C8orf34: variants seen among roughly 807,000 people sequenced by gnomAD.
C8orf34 encodes uncharacterized protein C8orf34.
In C8orf34, 65 loss-of-function variants were observed where a neutral mutation model predicts 68.3. The observed-to-expected ratio is 0.95, with a 90% CI of 0.78 to 1.17. C8orf34 has a LOEUF of 1.17. Ranked by LOEUF, C8orf34 falls within the 50% of genes most tolerant of loss-of-function variation. The pLI is 0.00. For synonymous variants in C8orf34, 244 were observed against 241.2 expected, an observed-to-expected ratio of 1.01 and a Z score of -0.11; for missense variants, 664 against 655.4, an observed-to-expected ratio of 1.01 and a Z score of -0.14.
intron 7 of C8orf34, among the ~76,000 whole-genome samples, chr8:68,596,100 C>G (rs542926505): frequency 6.6e-6 from 1 of 152,050 alleles, no homozygotes; most frequent in Non-Finnish European, 1.5e-5. Flanking sequence ...GTACTTTTGC[C>G]CCTCGAGTGC....
intron 7 of C8orf34, among the ~76,000 whole-genome samples, chr8:68,620,198 C>G (rs895663310): frequency 2.6e-5 from 4 of 152,104 alleles, no homozygotes; most frequent in African/African-American, 9.7e-5. Flanking sequence ...CAGGGAGGAG[C>G]CCCCAGTTCC....
At chr8:68,695,166 G>A (rs1820792154) in intron 8 of C8orf34, among the ~76,000 whole-genome samples, 1 of 144,846 alleles carries the variant, frequency 6.9e-6, no homozygotes, top group South Asian at 2.2e-4. Context: ...TTTTTTTTGA[G>A]ATGGAGTTTC....
chr8:68,732,928 G>A lies in C8orf34; in HGVS notation c.1404+11491G>A, dbSNP rs565508154. ...AAATACAAAAAATTAGCTGGGCATG[G>A]TGGCAGGCACCTGTAACCCCAGTTA... is the stretch of plus-strand genomic sequence containing the variant. On this transcript the variant is annotated intron_variant, in intron 10 of 13. Coordinates refer to ENST00000518698, the MANE Select transcript of C8orf34 (RefSeq NM_052958.4). Among the ~76,000 whole-genome samples, 66 of 152,272 alleles carry A rather than the reference G, an allele frequency of 4.3e-4. No homozygotes were observed. The South Asian group carries it at 5.8e-3, about 13-fold the overall frequency.
intron 5 of C8orf34, among the ~76,000 whole-genome samples, chr8:68,490,982 T>G (rs985735295): frequency 2.6e-5 from 4 of 152,210 alleles, no homozygotes; most frequent in African/African-American, 9.6e-5. Flanking sequence ...TACCTATGTC[T>G]TTAATGTAAC....
chr8:68,344,112 G>T (rs1304639447), intron 1 of C8orf34, among the ~76,000 whole-genome samples: 1 of 151,972 alleles, frequency 6.6e-6, no homozygotes, highest in African/African-American at 2.4e-5. Context: ...CACAAAAACT[G>T]GTACATTATG....
At chr8:68,400,607 C>A (rs1191909638) in intron 1 of C8orf34, among the ~76,000 whole-genome samples, 2 of 152,076 alleles carry the variant, frequency 1.3e-5, no homozygotes, top group Non-Finnish European at 2.9e-5. Context: ...GTCATCTAGG[C>A]TAGGGTGCAA....
intron 8 of C8orf34, among the ~76,000 whole-genome samples, chr8:68,653,862 T>A (rs1360335067): frequency 6.6e-6 from 1 of 152,134 alleles, no homozygotes; most frequent in Non-Finnish European, 1.5e-5. Context: ...AATTTTCTCT[T>A]GGTGCATATT....
At chr8:68,438,649 C>T (rs1810766111) in intron 1 of C8orf34, 2 of 152,112 alleles carry the variant, frequency 1.3e-5, no homozygotes, top group African/African-American at 2.4e-5. Flanking sequence ...AAATGGTGCA[C>T]ATAAGTTCAC....
chr8:68,545,016 G>T (rs1387840167), intron 7 of C8orf34, among the ~76,000 whole-genome samples: 2 of 152,142 alleles, frequency 1.3e-5, no homozygotes, highest in Admixed American at 6.5e-5. Flanking sequence ...TTACGAGCAT[G>T]AATCCATAAG....
intron 7 of C8orf34, among the ~76,000 whole-genome samples, chr8:68,616,434 T>C (rs538720370): frequency 6.6e-6 from 1 of 152,346 alleles, no homozygotes; most frequent in South Asian, 2.1e-4. Context: ...TTTAGTGCTA[T>C]AAATTTCCCT....
rs1271433413 is a variant in C8orf34 at position 68,689,695 on chromosome 8, A to AAG, written c.1242-19291_1242-19290dup. Among the ~76,000 whole-genome samples, 6 of 152,122 alleles carry AAG rather than the reference A, an allele frequency of 3.9e-5. No homozygotes were observed. In the East Asian group the frequency reaches 1.2e-3, roughly 29 times the overall value. On this transcript the variant is annotated intron_variant, in intron 8 of 13. Coordinates refer to ENST00000518698, the MANE Select transcript of C8orf34 (RefSeq NM_052958.4). ...GAGGCATTTGGCAATAAATATATGA[A>AAG]AGAGAGAGAAAATAAGAACAAAGCT...
chr8:68,709,109 C>A, intron 9 of C8orf34, 30 bp downstream of exon 9: 4 of 1,495,774 alleles, frequency 2.7e-6, no homozygotes, highest in Non-Finnish European at 3.7e-6. Flanking sequence ...ATATTTATTG[C>A]AGTTCTAGTG....
chr8:68,740,722 C>T (rs1822264233), intron 10 of C8orf34, among the ~76,000 whole-genome samples: 1 of 152,174 alleles, frequency 6.6e-6, no homozygotes, highest in Non-Finnish European at 1.5e-5. Context: ...TTTGACCCAG[C>T]AATCCCATTA....
intron 7 of C8orf34, among the ~76,000 whole-genome samples, chr8:68,615,011 T>C (rs1363281300): frequency 2.0e-5 from 3 of 151,782 alleles, no homozygotes; most frequent in Non-Finnish European, 4.4e-5. Context: ...TCACATCCCT[T>C]GAAAGTTGGA....
At chr8:68,552,317 T>G (rs1178150173) in intron 7 of C8orf34, among the ~76,000 whole-genome samples, 1 of 152,206 alleles carries the variant, frequency 6.6e-6, no homozygotes, top group Non-Finnish European at 1.5e-5. Flanking sequence ...TTAACTATTC[T>G]AATTCATTAA....
chr8:68,565,055 A>G (rs1188183022), intron 7 of C8orf34, among the ~76,000 whole-genome samples: 2 of 152,196 alleles, frequency 1.3e-5, no homozygotes, highest in Non-Finnish European at 2.9e-5. Flanking sequence ...GCCCCATAGG[A>G]GCAGGTAGAA....
chr8:68,594,739 T>C (rs10957438), intron 7 of C8orf34, among the ~76,000 whole-genome samples: 93,035 of 151,884 alleles, frequency 0.61, 28,984 homozygotes, highest in African/African-American at 0.72. Flanking sequence ...AAAAATTAAA[T>C]CTGACAGTCT....
At chr8:68,572,051 C>T (rs906306855) in intron 7 of C8orf34, among the ~76,000 whole-genome samples, 3 of 152,028 alleles carry the variant, frequency 2.0e-5, no homozygotes, top group Non-Finnish European at 2.9e-5. Flanking sequence ...TTGCATAGCA[C>T]GTTACCATGC....
intron 10 of C8orf34, among the ~76,000 whole-genome samples, chr8:68,745,763 T>TA (rs1446169225): frequency 1.3e-5 from 2 of 152,102 alleles, no homozygotes; most frequent in Non-Finnish European, 2.9e-5. Context: ...CAAAGAGACT[T>TA]AGACTCCCAC....
Sources: gnomAD v4.1 joint callset for allele counts (sites outside exome capture counted in the v4.1 genomes callset) on GRCh38, gnomAD v4.1.1 for gene constraint, MANE v1.5 for transcripts, NCBI Gene and HGNC (gene_info 2026-07-23, HGNC 2026-07-21) for gene names.